Variants in ANGPT2 observed in about 807,000 individuals in gnomAD.
The protein encoded by ANGPT2 is angiopoietin 2.
ANGPT2 carries 28 observed loss-of-function variants against 62.9 expected under a neutral mutation model. That is an observed-to-expected ratio of 0.44 (90% CI 0.33 to 0.61). ANGPT2 has a LOEUF of 0.61. Among genes scored for constraint, ANGPT2 ranks in the 20% least tolerant of loss-of-function variants. The pLI, the probability that ANGPT2 is intolerant of heterozygous loss-of-function variation, is 0.03. For missense variants in ANGPT2, 727 were observed against 594.9 expected (o/e 1.22, Z -2.31); for synonymous variants, 284 against 207.8 (o/e 1.37, Z -3.15).
intron 8 of ANGPT2, 48 bp from the exon 9 acceptor site, chr8:6,503,309 T>C (rs1429991116): frequency 6.2e-7 from 1 of 1,603,554 alleles, no homozygotes; most frequent in African/African-American, 1.3e-5. Context: ...TGATGCCAGC[T>C]CCCACCACGA....
intron 7 of ANGPT2, among the ~76,000 whole-genome samples, chr8:6,510,459 A>T (rs1055117695): frequency 1.3e-5 from 2 of 152,214 alleles, no homozygotes; most frequent in South Asian, 2.1e-4. Context: ...AATTTCTAAC[A>T]GTTTGTATTG....
intron 5 of ANGPT2, among the ~76,000 whole-genome samples, chr8:6,516,363 G>C (rs952330751): frequency 6.6e-6 from 1 of 152,136 alleles, no homozygotes; most frequent in Non-Finnish European, 1.5e-5. Flanking sequence ...AAAAGATTTA[G>C]CAAAGTTCGA....
chr8:6,535,513 C>G (rs1350159233), intron 1 of ANGPT2, among the ~76,000 whole-genome samples: 2 of 152,058 alleles, frequency 1.3e-5, no homozygotes, highest in Non-Finnish European at 2.9e-5. Context: ...AATGTGTGTC[C>G]ATTTATGTTA....
At position 6,514,728 on chromosome 8, in the gene ANGPT2, T is replaced by C; in HGVS notation, c.978A>G (p.Arg326=). ...AGGGGWTIIQ[R]REDGSVDFQR... ...GAAAATCAACGCTGCCATCCTCACG[T>C]CGCTGAATAATTGTCCACCCGCCTC... Residue 326 remains arginine (R), a synonymous_variant, in exon 6 of 9, where the codon CGA becomes CGG. Transcript: ENST00000629816. 6.2e-7 allele frequency: 1 copy of C among 1,614,102 alleles called. No homozygotes were observed. Among genetic ancestry groups the C allele is most frequent in the Non-Finnish European group, 8.5e-7 (1 of 1,180,024 alleles).
chr8:6,526,257 TAAA>T (rs35519559), intron 3 of ANGPT2, among the ~76,000 whole-genome samples: 1 of 77,502 alleles, frequency 1.3e-5, no homozygotes, highest in Admixed American at 1.8e-4. Flanking sequence ...TTGCCTCTAC[TAAA>T]AAAAAAAAAA....
intron 1 of ANGPT2, 150 bp from the exon 2 acceptor site, chr8:6,532,637 A>AT (rs796761227): frequency 6.9e-4 from 423 of 615,996 alleles, no homozygotes; most frequent in South Asian, 9.6e-4. Flanking sequence ...GAATCTTACT[A>AT]TTTTTTTTTA....
intron 1 of ANGPT2, among the ~76,000 whole-genome samples, chr8:6,559,961 T>G (rs1476997289): frequency 6.6e-6 from 1 of 152,334 alleles, no homozygotes; most frequent in East Asian, 1.9e-4. Flanking sequence ...GACACTTCCT[T>G]TGCCGGACAG....
At chr8:6,520,291 A>T (rs1336090318) in intron 4 of ANGPT2, among the ~76,000 whole-genome samples, 1 of 152,210 alleles carries the variant, frequency 6.6e-6, no homozygotes, top group Non-Finnish European at 1.5e-5. Context: ...ACAATCACAT[A>T]AATTAAATTA....
intron 5 of ANGPT2, among the ~76,000 whole-genome samples, chr8:6,515,386 G>A (rs1586278240): frequency 1.3e-5 from 2 of 152,184 alleles, no homozygotes; most frequent in East Asian, 3.8e-4. Flanking sequence ...GTGTCCTGGT[G>A]CAAGGTGTGT....
chr8:6,509,797 G>T (rs749136000), intron 7 of ANGPT2, among the ~76,000 whole-genome samples: 1 of 152,136 alleles, frequency 6.6e-6, no homozygotes, highest in Non-Finnish European at 1.5e-5. Context: ...CCTTAAATGT[G>T]CTCGGAACAC....
At position 6,527,693 on chromosome 8, in the gene ANGPT2, G is replaced by A. The variant is rs765498621; in HGVS notation, c.445-17C>T. The A allele has an allele frequency of 8.2e-6, 13 of 1,587,872 alleles. No individual in the cohort carries two copies. In the African/African-American group the frequency reaches 1.2e-4, roughly 15 times the overall value. On this transcript the variant is annotated splice_polypyrimidine_tract_variant and intron_variant, in intron 2 of 8. Coordinates refer to ENST00000629816, the MANE Select transcript of ANGPT2 (RefSeq NM_001118887.2). ...ATTTAATACCTAAATGTAACAAAAT[G>A]AAGTTCCTATTAATTATTTTTTAAT...
chr8:6,534,716 TA>T (rs1820187669), intron 1 of ANGPT2, among the ~76,000 whole-genome samples: 1 of 152,234 alleles, frequency 6.6e-6, no homozygotes, highest in South Asian at 2.1e-4. Context: ...ATAGGCTTCA[TA>T]AAATGTGAAG....
At chr8:6,561,992 G>T (rs1446547920) in intron 1 of ANGPT2, among the ~76,000 whole-genome samples, 2 of 152,148 alleles carry the variant, frequency 1.3e-5, no homozygotes, top group African/African-American at 2.4e-5. Flanking sequence ...GGAACTGACG[G>T]GGGCTGCAGT....
At chr8:6,507,298 C>T (rs1038234867) in intron 8 of ANGPT2, among the ~76,000 whole-genome samples, 1 of 152,146 alleles carries the variant, frequency 6.6e-6, no homozygotes, top group Non-Finnish European at 1.5e-5. Context: ...ATAGCTGTTA[C>T]CTTTGGTTTT....
chr8:6,524,769 T>G (rs1239331391), intron 3 of ANGPT2, among the ~76,000 whole-genome samples: 2 of 152,320 alleles, frequency 1.3e-5, no homozygotes, highest in East Asian at 1.9e-4. Context: ...CTTGTGGCCA[T>G]GTAAGGTCTG....
Position 6,500,196 on chromosome 8 carries a change from G to A in ANGPT2, c.*2905C>T. ...CCTCAGAACTGAGAAAAACAAAAAT[G>A]AAAAAAGACTGAATTCTTGGGCAGG... On this transcript the variant is annotated 3_prime_UTR_variant, in exon 9 of 9. Coordinates refer to ENST00000629816, the MANE Select transcript of ANGPT2 (RefSeq NM_001118887.2). 6.7e-6 allele frequency: 3 copies of A among 448,098 alleles called. No individual in the cohort carries two copies. Among genetic ancestry groups the A allele is most frequent in the Non-Finnish European group, 1.2e-5 (3 of 243,768 alleles). 27.8% of individuals were successfully genotyped at this position (448,098 alleles called of 1,614,324 possible). A position where few individuals can be genotyped will look rare whatever the true frequency, so the allele number is the denominator to read the frequency against.
intron 2 of ANGPT2, among the ~76,000 whole-genome samples, chr8:6,531,503 G>C (rs1353226524): frequency 6.6e-6 from 1 of 152,000 alleles, no homozygotes; most frequent in Admixed American, 6.6e-5. Flanking sequence ...TGTTGGCCAG[G>C]CTGGTCTCGA....
At position 6,500,306 on chromosome 8, in the gene ANGPT2, T is replaced by C. The variant is rs1811902632; in HGVS notation, c.*2795A>G. On this transcript the variant is annotated 3_prime_UTR_variant, in exon 9 of 9. Transcript: ENST00000629816. ...AGATTATGGCTTGCTGGTGCTGTGATAACAGTATTTATATTTTTATGGCTT... is the reference window on the plus strand; with the variant it reads ...AGATTATGGCTTGCTGGTGCTGTGACAACAGTATTTATATTTTTATGGCTT... The C allele has an allele frequency of 5.3e-6, 1 of 187,518 alleles. No individual in the cohort carries two copies. The highest frequency in any genetic ancestry group is 1.1e-5 in the Non-Finnish European group (1 of 89,024). The allele number at this position is 187,518 out of a possible 1,614,324, so 11.6% of individuals were successfully genotyped here. A position where few individuals can be genotyped will look rare whatever the true frequency, so the allele number is the denominator to read the frequency against.
chr8:6,561,557 G>T (rs892592070), intron 1 of ANGPT2, among the ~76,000 whole-genome samples: 2 of 152,118 alleles, frequency 1.3e-5, no homozygotes, highest in Non-Finnish European at 2.9e-5. Context: ...CTTTTTCTAG[G>T]GTCATGCGTC....
Sources: gnomAD v4.1 joint callset for allele counts (sites outside exome capture counted in the v4.1 genomes callset) on GRCh38, gnomAD v4.1.1 for gene constraint, MANE v1.5 for transcripts, NCBI Gene and HGNC (gene_info 2026-07-23, HGNC 2026-07-21) for gene names.